The following SNAP29 variants were observed in gnomAD, a reference collection of about 807,000 sequenced individuals.
SNAP29 encodes synaptosome associated protein 29, also known as synaptosomal-associated protein 29.
In SNAP29, 13 loss-of-function variants were observed where a neutral mutation model predicts 27.9. The observed-to-expected ratio is 0.47, with a 90% confidence interval of 0.30 to 0.74. The LOEUF (loss-of-function observed/expected upper bound fraction) is 0.74. Ranked by LOEUF, SNAP29 falls within the 30% of genes least tolerant of loss-of-function variation. SNAP29 has a pLI of 0.06. For missense variants in SNAP29, 368 were observed against 336.5 expected (o/e 1.09, Z -0.73); for synonymous variants, 119 against 127.1 (o/e 0.94, Z 0.43).
chr22:20,872,396 T>C (rs1436228179), intron 2 of SNAP29, among the ~76,000 whole-genome samples: 1 of 131,546 alleles, frequency 7.6e-6, no homozygotes, highest in Non-Finnish European at 1.6e-5. Context: ...GCCCACACCA[T>C]GCCTGGCTAA....
chr22:20,874,574 C>CA (rs758177794), intron 2 of SNAP29, among the ~76,000 whole-genome samples: 9,888 of 98,248 alleles, frequency 0.1, 391 homozygotes, highest in East Asian at 0.18. Context: ...GACCCTATCT[C>CA]AAAAAAAAAA....
At chr22:20,867,904 C>T (rs997266221) in intron 1 of SNAP29, among the ~76,000 whole-genome samples, 17 of 152,088 alleles carry the variant, frequency 1.1e-4, no homozygotes, top group African/African-American at 1.9e-4. Context: ...AGGAGCTCAC[C>T]ATCAGGGAAG....
intron 4 of SNAP29, 22 bp downstream of exon 4, chr22:20,883,591 G>A: frequency 2.0e-6 from 3 of 1,476,270 alleles, no homozygotes; most frequent in Non-Finnish European, 2.8e-6. Context: ...CACCACACCA[G>A]CTTCTGTAAG....
chr22:20,859,290 C>T lies in SNAP29; in HGVS notation c.180C>T (p.Thr60=), dbSNP rs767241390. 13 of 1,612,110 alleles carry T rather than the reference C, an allele frequency of 8.1e-6. No individual in the cohort carries two copies. In the East Asian group the frequency reaches 1.3e-4, roughly 17 times the overall value. ...GGGCTGAGGCCACGGCCGCCAGCAC[C>T]AGCAGGTCCCTGGCCCTCATGTACG... ...LRRAEATAAS[T]SRSLALMYES... The change falls in exon 1 of 5, where the codon ACC becomes ACT. Residue 60 remains threonine, a synonymous_variant. Coordinates refer to ENST00000215730, the MANE Select transcript of SNAP29 (RefSeq NM_004782.4).
At chr22:20,871,306 C>T (rs1354529278) in intron 2 of SNAP29, among the ~76,000 whole-genome samples, 1 of 149,324 alleles carries the variant, frequency 6.7e-6, no homozygotes, top group Non-Finnish European at 1.5e-5. Context: ...AAAGACCCGT[C>T]TCTATAAAAA....
At chr22:20,864,204 A>G (rs575805480) in intron 1 of SNAP29, among the ~76,000 whole-genome samples, 23 of 152,336 alleles carry the variant, frequency 1.5e-4, no homozygotes, top group Non-Finnish European at 2.2e-4. Context: ...AGGGGAGTCC[A>G]GCAACAAACA....
chr22:20,859,039 GGC>G lies in SNAP29; in HGVS notation c.-70_-69del, dbSNP rs886057262. 6.4e-5 allele frequency: 92 copies of G among 1,429,334 alleles called. No homozygotes were observed. Among genetic ancestry groups the G allele is most frequent in the Non-Finnish European group, 8.8e-5 (91 of 1,035,040 alleles). 88.5% of individuals were successfully genotyped at this position (1,429,334 alleles called of 1,614,324 possible). ...CGACGACCGCGGGGTCGGCGGGCGG[GGC>G]GAGGCCCTGGACGGCGGCGGCAGTG... On this transcript the variant is annotated 5_prime_UTR_variant, in exon 1 of 5. Transcript: ENST00000215730.
chr22:20,886,908 C>G (rs142594380), intron 4 of SNAP29, among the ~76,000 whole-genome samples: 2 of 151,986 alleles, frequency 1.3e-5, no homozygotes, highest in African/African-American at 4.8e-5. Context: ...CCATTGTACC[C>G]GGCCAAAACT....
chr22:20,872,728 G>T (rs1385702777), intron 2 of SNAP29, among the ~76,000 whole-genome samples: 10 of 148,030 alleles, frequency 6.8e-5, no homozygotes, highest in Middle Eastern at 3.6e-3. Context: ...TAGAGATGGG[G>T]TTTCACCATG....
At chr22:20,876,430 G>A (rs796383848) in intron 2 of SNAP29, among the ~76,000 whole-genome samples, 17 of 151,048 alleles carry the variant, frequency 1.1e-4, no homozygotes, top group African/African-American at 2.7e-4. Context: ...GCTAATTTTC[G>A]TATTTTTTGT....
In SNAP29 at chr22:20,888,822, C is replaced by T. The variant is rs960813901; in HGVS notation, c.*986C>T. ...TCTAGCATTCCCACCCACTCTTCTG[C>T]ACTTCTTGCAAGGTAACTTGAATCA... is the stretch of plus-strand genomic sequence containing the variant. On this transcript the variant is annotated 3_prime_UTR_variant, in exon 5 of 5. Coordinates refer to ENST00000215730, the MANE Select transcript of SNAP29 (RefSeq NM_004782.4). The T allele has an allele frequency of 1.3e-5, 2 of 152,212 alleles. No individual in the cohort carries two copies. The highest frequency in any genetic ancestry group is 4.8e-5 in the African/African-American group (2 of 41,448). The allele number at this position is 152,212 out of a possible 1,614,324, so 9.4% of individuals were successfully genotyped here. A position where few individuals can be genotyped will look rare whatever the true frequency, so the allele number is the denominator to read the frequency against.
At chr22:20,873,073 G>A (rs182900688) in intron 2 of SNAP29, among the ~76,000 whole-genome samples, 11 of 149,738 alleles carry the variant, frequency 7.3e-5, no homozygotes, top group Non-Finnish European at 1.3e-4. Context: ...CAGATGATCC[G>A]CCCGCCTCAG....
intron 1 of SNAP29, among the ~76,000 whole-genome samples, chr22:20,866,139 G>T (rs1928454264): frequency 6.6e-6 from 1 of 152,348 alleles, no homozygotes; most frequent in African/African-American, 2.4e-5. Context: ...GGACAACCCA[G>T]AGCTGCTGAG....
intron 1 of SNAP29, among the ~76,000 whole-genome samples, chr22:20,866,546 C>T (rs1040969931): frequency 2.6e-5 from 4 of 152,060 alleles, no homozygotes; most frequent in Non-Finnish European, 5.9e-5. Flanking sequence ...GTCTCGGTCA[C>T]GGAAGCCCAC....
At chr22:20,875,010 C>T (rs1569118220) in intron 2 of SNAP29, among the ~76,000 whole-genome samples, 1 of 152,124 alleles carries the variant, frequency 6.6e-6, no homozygotes, top group Non-Finnish European at 1.5e-5. Context: ...CATACCTCTT[C>T]ACAAAGGCTG....
At chr22:20,871,774 C>T (rs889647678) in intron 2 of SNAP29, among the ~76,000 whole-genome samples, 2 of 151,904 alleles carry the variant, frequency 1.3e-5, no homozygotes, top group East Asian at 1.9e-4. Context: ...CCCAGCTACT[C>T]GGGAGGCTGA....
At chr22:20,861,412 A>C (rs1420460671) in intron 1 of SNAP29, among the ~76,000 whole-genome samples, 1 of 151,262 alleles carries the variant, frequency 6.6e-6, no homozygotes, top group Non-Finnish European at 1.5e-5. Flanking sequence ...CACCTAGCCC[A>C]CCTCCCTGTG....
At chr22:20,861,518 A>G (rs1196670815) in intron 1 of SNAP29, among the ~76,000 whole-genome samples, 9 of 147,250 alleles carry the variant, frequency 6.1e-5, no homozygotes, top group East Asian at 4.1e-4. Flanking sequence ...GCTCACTGCA[A>G]CCTCCACCTC....
intron 1 of SNAP29, among the ~76,000 whole-genome samples, chr22:20,867,169 C>T (rs1245823566): frequency 6.6e-6 from 1 of 152,184 alleles, no homozygotes; most frequent in Non-Finnish European, 1.5e-5. Flanking sequence ...GTAAGAAGGG[C>T]ATCACCTGTA....
Sources: allele counts gnomAD v4.1 joint callset (sites outside exome capture counted in the v4.1 genomes callset), GRCh38; gene constraint gnomAD v4.1.1; transcripts MANE v1.5; gene names NCBI Gene and HGNC (gene_info 2026-07-23, HGNC 2026-07-21).